Variants in AGBL1 observed in about 807,000 individuals in gnomAD.
AGBL1 encodes AGBL carboxypeptidase 1.
AGBL1 carries 130 observed loss-of-function variants against 118.9 expected under a neutral mutation model. That is an observed-to-expected ratio of 1.09 (90% CI 0.95 to 1.26). The LOEUF (loss-of-function observed/expected upper bound fraction) is 1.26, where lower values mean the gene tolerates loss of function less well. Ranked by LOEUF, AGBL1 falls within the 50% of genes most tolerant of loss-of-function variation. The pLI, the probability that AGBL1 is intolerant of heterozygous loss-of-function variation, is 0.00. For synonymous variants in AGBL1, 555 were observed against 478.9 expected (o/e 1.16, Z -2.08); for missense variants, 1,584 against 1,298.1 (o/e 1.22, Z -3.38).
rs550093548 is a variant in AGBL1, at chr15:86,385,928, C to T, written c.2375-11438C>T. Among the ~76,000 whole-genome samples the T allele has an allele frequency of 2.3e-3, 282 of 122,020 alleles. 3 individuals carry two copies. Among genetic ancestry groups the T allele is most frequent in the African/African-American group, 8.6e-3 (265 of 30,696 alleles). The allele number at this position is 122,020 out of a possible 152,430, so 80.0% of individuals were successfully genotyped here. ...TGTTTGTTTTATTCTCCTCCTCCTC[C>T]CCCTCCCCTCCTCCTCTCCTCTCCC... is the stretch of plus-strand genomic sequence containing the variant. On this transcript the variant is annotated intron_variant, in intron 17 of 22. Coordinates refer to ENST00000614907, the MANE Select transcript of AGBL1 (RefSeq NM_001386094.1).
At chr15:86,733,620 A>C (rs937981143) in intron 22 of AGBL1, among the ~76,000 whole-genome samples, 3 of 152,120 alleles carry the variant, frequency 2.0e-5, no homozygotes, top group Admixed American at 6.5e-5. Context: ...GTTGTATTTA[A>C]ATATCACTAA....
chr15:86,109,410 T>G (rs1897234221), intron 1 of AGBL1, among the ~76,000 whole-genome samples: 1 of 152,238 alleles, frequency 6.6e-6, no homozygotes, highest in Admixed American at 6.5e-5. Flanking sequence ...TAAAATTGAC[T>G]TCCTGGCATT....
intron 1 of AGBL1, among the ~76,000 whole-genome samples, chr15:86,091,287 T>C (rs528445277): frequency 2.6e-5 from 4 of 152,326 alleles, no homozygotes; most frequent in Admixed American, 2.6e-4. Context: ...GACGCTTTCC[T>C]ACTGAAATTC....
chr15:86,927,483 A>G (rs1304634125), intron 23 of AGBL1, among the ~76,000 whole-genome samples: 1 of 151,900 alleles, frequency 6.6e-6, no homozygotes, highest in Non-Finnish European at 1.5e-5. Context: ...GCTACTTGAG[A>G]GGCTGAGGCA....
chr15:86,723,546 C>T (rs2086768724), intron 22 of AGBL1, among the ~76,000 whole-genome samples: 1 of 152,066 alleles, frequency 6.6e-6, no homozygotes, highest in Middle Eastern at 3.4e-3. Context: ...AGGAGATATA[C>T]CTAATATTAA....
At chr15:86,604,204 A>G (rs1309472960) in intron 21 of AGBL1, among the ~76,000 whole-genome samples, 1 of 152,176 alleles carries the variant, frequency 6.6e-6, no homozygotes, top group African/African-American at 2.4e-5. Context: ...AAAGAAATAA[A>G]AATTACAAAG....
At chr15:86,356,016 T>C (rs919285197) in intron 17 of AGBL1, among the ~76,000 whole-genome samples, 48 of 152,146 alleles carry the variant, frequency 3.2e-4, no homozygotes, top group African/African-American at 9.9e-4. Context: ...CCCTAGGCAG[T>C]TGGGCAGTAT....
At chr15:86,771,024 A>G (rs930411418) in intron 22 of AGBL1, among the ~76,000 whole-genome samples, 3 of 152,000 alleles carry the variant, frequency 2.0e-5, no homozygotes, top group Non-Finnish European at 4.4e-5. Flanking sequence ...AAGGCATCCA[A>G]TGTGTGGTCC....
chr15:86,365,418 CA>C (rs888500889), intron 17 of AGBL1, among the ~76,000 whole-genome samples: 1 of 152,090 alleles, frequency 6.6e-6, no homozygotes, highest in African/African-American at 2.4e-5. Context: ...AAGTGATGGG[CA>C]CTTGACTGCT....
At chr15:86,424,264 C>T (rs1466978700) in intron 18 of AGBL1, among the ~76,000 whole-genome samples, 1 of 152,080 alleles carries the variant, frequency 6.6e-6, no homozygotes, top group Admixed American at 6.5e-5. Flanking sequence ...CTTTGACAAA[C>T]CTCACAAAAA....
intron 21 of AGBL1, among the ~76,000 whole-genome samples, chr15:86,605,924 C>A (rs571133440): frequency 3.5e-4 from 53 of 151,970 alleles, no homozygotes; most frequent in Non-Finnish European, 6.0e-4. Context: ...GTCAGGAGTT[C>A]AAGACCAGCC....
chr15:86,605,324 A>G (rs1567080257), intron 21 of AGBL1, among the ~76,000 whole-genome samples: 1 of 151,980 alleles, frequency 6.6e-6, no homozygotes, highest in Non-Finnish European at 1.5e-5. Context: ...AAAAAAAAAA[A>G]GAATCTTACA....
intron 24 of AGBL1, among the ~76,000 whole-genome samples, chr15:87,005,051 A>G (rs963840031): frequency 1.3e-5 from 2 of 152,232 alleles, no homozygotes; most frequent in Non-Finnish European, 2.9e-5. Flanking sequence ...GTTTCTGCCA[A>G]GAGATCCACT....
At chr15:86,135,455 C>T (rs1237732484) in intron 1 of AGBL1, among the ~76,000 whole-genome samples, 1 of 152,228 alleles carries the variant, frequency 6.6e-6, no homozygotes, top group East Asian at 1.9e-4. Flanking sequence ...TATTTGCTTG[C>T]TCAGTTGCTA....
chr15:86,698,415 C>A (rs1470809), intron 22 of AGBL1, among the ~76,000 whole-genome samples: 1 of 151,188 alleles, frequency 6.6e-6, no homozygotes, highest in Non-Finnish European at 1.5e-5. Flanking sequence ...TGCCTCAGTA[C>A]GAATAAGGAT....
chr15:86,791,728 T>TTTTA lies in AGBL1; in HGVS notation c.3159-115358_3159-115357insTTAT, dbSNP rs1555450536. Among the ~76,000 whole-genome samples, 365 of 142,892 alleles carry TTTTA rather than the reference T, an allele frequency of 2.6e-3. 2 individuals carry two copies. The highest frequency in any genetic ancestry group is 0.018 in the Middle Eastern group (5 of 278). 93.7% of individuals were successfully genotyped at this position (142,892 alleles called of 152,430 possible). A position where few individuals can be genotyped will look rare whatever the true frequency, so the allele number is the denominator to read the frequency against. ...TTCTGAACTCATCTTTCCTTGTTTT[T>TTTTA]TATATATATATATATATATATATTT... On this transcript the variant is annotated intron_variant, in intron 22 of 22. Coordinates refer to ENST00000614907, the MANE Select transcript of AGBL1 (RefSeq NM_001386094.1).
chr15:86,246,223 A>C (rs145713629), intron 6 of AGBL1, among the ~76,000 whole-genome samples: 2 of 152,320 alleles, frequency 1.3e-5, no homozygotes, highest in Non-Finnish European at 2.9e-5. Context: ...GTCTCTTTCA[A>C]GAGTGGCTGT....
chr15:86,670,383 C>T (rs57582079), intron 21 of AGBL1, among the ~76,000 whole-genome samples: 61,782 of 151,198 alleles, frequency 0.41, 12,951 homozygotes, highest in East Asian at 0.7. Context: ...GCAGGCAGAT[C>T]ACCTGAGGTC....
chr15:86,601,026 C>T (rs1179796133), intron 21 of AGBL1, among the ~76,000 whole-genome samples: 1 of 152,048 alleles, frequency 6.6e-6, no homozygotes, highest in African/African-American at 2.4e-5. Flanking sequence ...TTTGCAAAAC[C>T]CTCCTGGATA....
Sources: gnomAD v4.1 joint callset for allele counts (sites outside exome capture counted in the v4.1 genomes callset) on GRCh38, gnomAD v4.1.1 for gene constraint, MANE v1.5 for transcripts, NCBI Gene and HGNC (gene_info 2026-07-23, HGNC 2026-07-21) for gene names.